MAP3K5: variants seen among roughly 807,000 people sequenced by gnomAD.
MAP3K5 encodes the protein mitogen-activated protein kinase kinase kinase 5.
MAP3K5 carries 56 observed loss-of-function variants against 158.7 expected under a neutral mutation model. The ratio of observed to expected loss-of-function variants is 0.35; its 90% CI spans 0.28 to 0.44. The LOEUF is 0.44. Ranked by LOEUF, MAP3K5 falls within the 20% of genes least tolerant of loss-of-function variation. The pLI is 1.00. For synonymous variants in MAP3K5, 579 were observed against 601.7 expected, an observed-to-expected ratio of 0.96 and a Z score of 0.55; for missense variants, 1,294 against 1,674.8, an observed-to-expected ratio of 0.77 and a Z score of 3.97.
At chr6:136,602,470 A>AT (rs1029680947) in intron 19 of MAP3K5, among the ~76,000 whole-genome samples, 3 of 151,890 alleles carry the variant, frequency 2.0e-5, no homozygotes, top group African/African-American at 7.3e-5. Context: ...CGCCTGGCTA[A>AT]TTTTTTGTAC....
intron 18 of MAP3K5, among the ~76,000 whole-genome samples, chr6:136,608,832 A>G (rs532122253): frequency 6.6e-6 from 1 of 152,364 alleles, no homozygotes; most frequent in East Asian, 1.9e-4. Flanking sequence ...AATGGTGATC[A>G]CTGCTGCCTT....
intron 23 of MAP3K5, among the ~76,000 whole-genome samples, chr6:136,584,819 T>C (rs1775045141): frequency 6.6e-6 from 1 of 152,174 alleles, no homozygotes; most frequent in African/African-American, 2.4e-5. Flanking sequence ...GTTTTCAGTG[T>C]CTGTGAGACT....
chr6:136,564,336 G>A (rs755790268), intron 26 of MAP3K5, among the ~76,000 whole-genome samples: 2 of 152,216 alleles, frequency 1.3e-5, no homozygotes, highest in Non-Finnish European at 2.9e-5. Flanking sequence ...AACACAATAA[G>A]AGGTAGACAG....
Position 136,651,098 on chromosome 6 carries a change from A to G in MAP3K5, c.1681-7T>C. The G allele has an allele frequency of 6.8e-7, 1 of 1,465,180 alleles. No homozygotes were observed. The highest frequency in any genetic ancestry group is 1.7e-5 in the Admixed American group (1 of 57,802). 90.8% of individuals were successfully genotyped at this position (1,465,180 alleles called of 1,614,324 possible). ...TTGGTTCTAATATTAATACCTTGAA[A>G]AGATACGGCAAAGAAACTAATATCA... On this transcript the variant is annotated splice_region_variant and splice_polypyrimidine_tract_variant and intron_variant, in intron 10 of 29. Transcript: ENST00000359015.
chr6:136,567,916 C>T (rs777735814), intron 25 of MAP3K5, 42 bp from the exon 26 acceptor site: 20 of 1,589,566 alleles, frequency 1.3e-5, no homozygotes, highest in Non-Finnish European at 8.6e-7. Flanking sequence ...TAAAATATGA[C>T]TCATTGCCTT....
chr6:136,558,788 G>GAA lies in MAP3K5; in HGVS notation c.4064+10_4064+11dup. ...GCTCTTTCCATAGTGACAACAGAAA[G>GAA]AAAAGTGGTACCTTAGTCTCAAGCA... On this transcript the variant is annotated intron_variant, in intron 29 of 29. Coordinates refer to ENST00000359015, the MANE Select transcript of MAP3K5 (RefSeq NM_005923.4). 6.5e-7 allele frequency: 1 copy of GAA among 1,533,500 alleles called. No individual in the cohort carries two copies. The highest frequency in any genetic ancestry group is 9.0e-7 in the Non-Finnish European group (1 of 1,108,464). 95.0% of individuals were successfully genotyped at this position (1,533,500 alleles called of 1,614,324 possible). A position where few individuals can be genotyped will look rare whatever the true frequency, so the allele number is the denominator to read the frequency against.
intron 11 of MAP3K5, among the ~76,000 whole-genome samples, chr6:136,644,306 C>A (rs1229176003): frequency 6.6e-6 from 1 of 152,146 alleles, no homozygotes; most frequent in African/African-American, 2.4e-5. Flanking sequence ...GGCCTCCCTC[C>A]CCACCTACCT....
chr6:136,617,657 G>A (rs1335067838), intron 15 of MAP3K5, among the ~76,000 whole-genome samples: 1 of 152,138 alleles, frequency 6.6e-6, no homozygotes, highest in Admixed American at 6.5e-5. Context: ...GTCCACGGCC[G>A]GTGCAGTGGT....
chr6:136,705,796 C>T (rs932779143), intron 2 of MAP3K5, among the ~76,000 whole-genome samples: 18 of 152,268 alleles, frequency 1.2e-4, no homozygotes, highest in African/African-American at 4.3e-4. Flanking sequence ...AACGAGTTTG[C>T]TTTCCCTAAG....
At chr6:136,749,763 C>T (rs1023730545) in intron 1 of MAP3K5, among the ~76,000 whole-genome samples, 2 of 152,014 alleles carry the variant, frequency 1.3e-5, no homozygotes, top group South Asian at 2.1e-4. Flanking sequence ...CCCACATGGA[C>T]GTCGACTGAA....
At chr6:136,685,310 C>T (rs911521877) in intron 7 of MAP3K5, among the ~76,000 whole-genome samples, 1 of 152,032 alleles carries the variant, frequency 6.6e-6, no homozygotes, top group Non-Finnish European at 1.5e-5. Flanking sequence ...AGAGCAAGAT[C>T]CTGCTCTAAA....
At chr6:136,720,405 A>G in intron 2 of MAP3K5, 45 bp downstream of exon 2, 1 of 1,513,412 alleles carries the variant, frequency 6.6e-7, no homozygotes, top group Non-Finnish European at 8.9e-7. Context: ...GGTATCCCTG[A>G]AATGCTGATG....
intron 7 of MAP3K5, among the ~76,000 whole-genome samples, chr6:136,679,544 G>T (rs1321633787): frequency 1.3e-5 from 2 of 152,150 alleles, no homozygotes; most frequent in Admixed American, 6.5e-5. Flanking sequence ...CTGCTGCTGT[G>T]ATCTGCTGGT....
intron 1 of MAP3K5, among the ~76,000 whole-genome samples, chr6:136,723,151 T>C (rs184747597): frequency 6.6e-6 from 1 of 152,120 alleles, no homozygotes; most frequent in African/African-American, 2.4e-5. Context: ...GGAAAATGTC[T>C]AAATACCTAT....
chr6:136,737,037 G>GTATATATATA (rs56011325), intron 1 of MAP3K5, among the ~76,000 whole-genome samples: 77 of 126,970 alleles, frequency 6.1e-4, no homozygotes, highest in African/African-American at 1.9e-3. Context: ...ATATGTGTGT[G>GTATATATATA]TATATATATA....
chr6:136,682,440 A>T (rs1779976206), intron 7 of MAP3K5, among the ~76,000 whole-genome samples: 1 of 152,184 alleles, frequency 6.6e-6, no homozygotes, highest in African/African-American at 2.4e-5. Flanking sequence ...TCTGTTGATT[A>T]GTTTGTTATA....
chr6:136,565,038 C>T (rs1266122036), intron 26 of MAP3K5, among the ~76,000 whole-genome samples: 1 of 152,198 alleles, frequency 6.6e-6, no homozygotes, highest in Non-Finnish European at 1.5e-5. Context: ...CTAGAGGCCA[C>T]CTGATTCACA....
intron 1 of MAP3K5, among the ~76,000 whole-genome samples, chr6:136,772,113 T>C (rs1238417355): frequency 1.4e-5 from 2 of 141,096 alleles, no homozygotes; most frequent in Non-Finnish European, 3.1e-5. Context: ...GGGGGGGGTT[T>C]ACCATGTTGG....
chr6:136,766,144 C>T (rs1783958915), intron 1 of MAP3K5, among the ~76,000 whole-genome samples: 1 of 152,202 alleles, frequency 6.6e-6, no homozygotes, highest in Non-Finnish European at 1.5e-5. Flanking sequence ...AAGCCAGAAC[C>T]CAAGCCAACT....
Sources: gnomAD v4.1 joint callset for allele counts (sites outside exome capture counted in the v4.1 genomes callset) on GRCh38, gnomAD v4.1.1 for gene constraint, MANE v1.5 for transcripts, NCBI Gene and HGNC (gene_info 2026-07-23, HGNC 2026-07-21) for gene names.